DLGAP1: variants seen among roughly 807,000 people sequenced by gnomAD.
DLGAP1 encodes disks large-associated protein 1.
Under a neutral mutation model 90.8 loss-of-function variants are expected in DLGAP1, and 11 were observed. That is an observed-to-expected ratio of 0.12 (90% CI 0.08 to 0.20). The LOEUF is 0.20. Among genes scored for constraint, DLGAP1 ranks in the 10% least tolerant of loss-of-function variants. The pLI is 1.00. For missense variants in DLGAP1, 1,050 were observed against 1,333.8 expected (o/e 0.79, Z 3.31); for synonymous variants, 558 against 540.7 (o/e 1.03, Z -0.44).
chr18:4,352,542 C>T (rs1470863804), intron 1 of DLGAP1, among the ~76,000 whole-genome samples: 2 of 152,060 alleles, frequency 1.3e-5, no homozygotes, highest in African/African-American at 2.4e-5. Context: ...GATAAATGTC[C>T]TCTTTATTTG....
At chr18:4,023,740 C>T (rs536949522) in intron 2 of DLGAP1, among the ~76,000 whole-genome samples, 1 of 152,134 alleles carries the variant, frequency 6.6e-6, no homozygotes, top group Non-Finnish European at 1.5e-5. Context: ...CAACAACACG[C>T]TTTTCAAATA....
At chr18:4,306,101 A>G (rs1368789215) in intron 1 of DLGAP1, among the ~76,000 whole-genome samples, 1 of 151,410 alleles carries the variant, frequency 6.6e-6, no homozygotes, top group Non-Finnish European at 1.5e-5. Flanking sequence ...AGAGAGAGAG[A>G]GGGAGAGAAA....
chr18:3,720,804 C>T (rs1346400666), intron 7 of DLGAP1, among the ~76,000 whole-genome samples: 1 of 146,932 alleles, frequency 6.8e-6, no homozygotes, highest in Non-Finnish European at 1.5e-5. Context: ...ATAATCCTAG[C>T]ACTTTGGGAG....
At chr18:3,694,957 T>G (rs2061038386) in intron 7 of DLGAP1, among the ~76,000 whole-genome samples, 1 of 132,744 alleles carries the variant, frequency 7.5e-6, no homozygotes, top group African/African-American at 3.2e-5. Context: ...TTTTTTTTTT[T>G]GAGACAGAGT....
intron 1 of DLGAP1, among the ~76,000 whole-genome samples, chr18:4,419,294 A>C (rs1419380042): frequency 6.6e-6 from 1 of 152,154 alleles, no homozygotes; most frequent in Non-Finnish European, 1.5e-5. Flanking sequence ...GGTCCCTCCC[A>C]CAACACGTGG....
intron 1 of DLGAP1, among the ~76,000 whole-genome samples, chr18:4,445,298 C>CTTT (rs71160965): frequency 4.1e-5 from 6 of 147,998 alleles, no homozygotes; most frequent in Admixed American, 6.7e-5. Context: ...TACCAATCAT[C>CTTT]TTTTTTTTTT....
chr18:4,149,024 A>G (rs2076630690), intron 2 of DLGAP1, among the ~76,000 whole-genome samples: 1 of 152,258 alleles, frequency 6.6e-6, no homozygotes, highest in African/African-American at 2.4e-5. Flanking sequence ...ATATAATTTC[A>G]GTCTTGCATT....
intron 7 of DLGAP1, among the ~76,000 whole-genome samples, chr18:3,657,026 G>A (rs563941929): frequency 4.6e-5 from 7 of 152,264 alleles, no homozygotes; most frequent in South Asian, 4.1e-4. Flanking sequence ...GATTACAGGC[G>A]TGAGCCACCA....
At chr18:4,128,364 C>T (rs184988131) in intron 2 of DLGAP1, among the ~76,000 whole-genome samples, 5 of 152,222 alleles carry the variant, frequency 3.3e-5, no homozygotes, top group South Asian at 4.1e-4. Flanking sequence ...TCATTTTATA[C>T]AAGAGACTTG....
chr18:4,405,736 G>A (rs117869970), intron 1 of DLGAP1, among the ~76,000 whole-genome samples: 2,860 of 152,182 alleles, frequency 0.019, 44 homozygotes, highest in Admixed American at 0.036. Context: ...GACAAAGATG[G>A]GTCCAGGGAG....
At chr18:3,821,053 G>A (rs908154036) in intron 4 of DLGAP1, among the ~76,000 whole-genome samples, 8 of 152,194 alleles carry the variant, frequency 5.3e-5, no homozygotes, top group Non-Finnish European at 7.3e-5. Flanking sequence ...GGGAGGCCAA[G>A]GCAGGAGGAT....
At chr18:3,548,989 A>G (rs902074049) in intron 9 of DLGAP1, among the ~76,000 whole-genome samples, 1 of 152,154 alleles carries the variant, frequency 6.6e-6, no homozygotes, top group African/African-American at 2.4e-5. Context: ...GTAAGCCAAG[A>G]TTGCGCCACT....
intron 3 of DLGAP1, among the ~76,000 whole-genome samples, chr18:3,994,956 C>G (rs2149060309): frequency 6.6e-6 from 1 of 152,332 alleles, no homozygotes; most frequent in Admixed American, 6.5e-5. Flanking sequence ...ACTTAGCTGT[C>G]TGCCTGTTCT....
chr18:3,692,538 T>C (rs1231579895), intron 7 of DLGAP1, among the ~76,000 whole-genome samples: 1 of 152,218 alleles, frequency 6.6e-6, no homozygotes, highest in East Asian at 1.9e-4. Context: ...GGTTGTTCAA[T>C]ACCTCTTCCC....
chr18:3,927,879 T>C lies in DLGAP1; in HGVS notation c.-72-47739A>G, dbSNP rs150473460. On this transcript the variant is annotated intron_variant, in intron 3 of 12. Transcript: ENST00000315677. Reference sequence around the variant, plus strand: ...AATGTTTTTTAAAAATGTCGAGTGATTTAGATTTCTGTTGGCTTGTACATC... The same window carrying C: ...AATGTTTTTTAAAAATGTCGAGTGACTTAGATTTCTGTTGGCTTGTACATC... Among the ~76,000 whole-genome samples, 29 of 152,304 alleles carry C rather than the reference T, an allele frequency of 1.9e-4. No individual in the cohort carries two copies. In the East Asian group the frequency reaches 5.6e-3, roughly 29 times the overall value.
Position 3,550,578 on chromosome 18 carries a change from A to G in DLGAP1, c.2058-15963T>C, listed in dbSNP as rs537200903. On this transcript the variant is annotated intron_variant, in intron 9 of 12. Transcript: ENST00000315677. ...CCCCAAGGGTGGGCTCTAATCCAGT[A>G]TGACTGGTGTCCTTATAAAAACAGG... is the stretch of plus-strand genomic sequence containing the variant. Among the ~76,000 whole-genome samples, 112 of 152,158 alleles carry G rather than the reference A, an allele frequency of 7.4e-4. 2 individuals are homozygous for G. The highest frequency in any genetic ancestry group is 2.5e-3 in the African/African-American group (102 of 41,496).
intron 7 of DLGAP1, among the ~76,000 whole-genome samples, chr18:3,694,939 G>GTTTTTTTTTTT (rs1219198458): frequency 1.5e-4 from 19 of 125,226 alleles, no homozygotes; most frequent in Non-Finnish European, 2.7e-4. Flanking sequence ...TGTTTTTTTT[G>GTTTTTTTTTTT]TTTTTTTTTT....
chr18:4,137,455 T>G (rs1370222042), intron 2 of DLGAP1, among the ~76,000 whole-genome samples: 1 of 152,180 alleles, frequency 6.6e-6, no homozygotes, highest in Non-Finnish European at 1.5e-5. Context: ...GGATTTGTTT[T>G]GTGGGTTCCC....
chr18:4,245,826 C>A (rs890237850), intron 1 of DLGAP1, among the ~76,000 whole-genome samples: 5 of 151,934 alleles, frequency 3.3e-5, no homozygotes, highest in Admixed American at 6.6e-5. Context: ...TATGATCACA[C>A]CTACAAGCTG....
Sources: gnomAD v4.1 joint callset for allele counts (sites outside exome capture counted in the v4.1 genomes callset) on GRCh38, gnomAD v4.1.1 for gene constraint, MANE v1.5 for transcripts, NCBI Gene and HGNC (gene_info 2026-07-23, HGNC 2026-07-21) for gene names.